The following GFRA1 variants were observed in gnomAD, a reference collection of about 807,000 sequenced individuals.
The protein encoded by GFRA1 is GDNF family receptor alpha-1.
A neutral mutation model predicts 51.6 loss-of-function variants in GFRA1; 16 were observed. The ratio of observed to expected loss-of-function variants is 0.31; its 90% CI spans 0.21 to 0.47. GFRA1 has a LOEUF of 0.47. Ranked by LOEUF, GFRA1 falls within the 20% of genes least tolerant of loss-of-function variation. The pLI, the probability that GFRA1 is intolerant of heterozygous loss-of-function variation, is 1.00. For missense variants in GFRA1, 530 were observed against 594.3 expected (o/e 0.89, Z 1.13); for synonymous variants, 270 against 241.3 (o/e 1.12, Z -1.10).
intron 6 of GFRA1, among the ~76,000 whole-genome samples, chr10:116,106,107 G>C (rs1268408828): frequency 6.6e-6 from 1 of 152,138 alleles, no homozygotes; most frequent in Admixed American, 6.5e-5. Context: ...ATGGAGGAAG[G>C]GGCCATGAGC....
At chr10:116,243,102 T>A (rs1342677133) in intron 4 of GFRA1, among the ~76,000 whole-genome samples, 2 of 152,208 alleles carry the variant, frequency 1.3e-5, no homozygotes, top group African/African-American at 4.8e-5. Context: ...CTTACTACAT[T>A]TATGCGTCTC....
At chr10:116,066,277 G>T (rs953549188) in intron 9 of GFRA1, among the ~76,000 whole-genome samples, 1 of 152,186 alleles carries the variant, frequency 6.6e-6, no homozygotes, top group Non-Finnish European at 1.5e-5. Context: ...CCACTCACTA[G>T]TCACTGTTTA....
At chr10:116,168,726 T>C (rs1224556662) in intron 5 of GFRA1, among the ~76,000 whole-genome samples, 1 of 152,202 alleles carries the variant, frequency 6.6e-6, no homozygotes, top group Non-Finnish European at 1.5e-5. Context: ...GCAGAGGCCA[T>C]GGGCTCTGCT....
chr10:116,271,000 G>C lies in GFRA1; in HGVS notation c.156C>G (p.Cys52Trp), dbSNP rs1178635330. 1 of 1,614,220 alleles carries C rather than the reference G, an allele frequency of 6.2e-7. No individual in the cohort carries two copies. Among genetic ancestry groups the C allele is most frequent in the East Asian group, 2.2e-5 (1 of 44,864 alleles). The change falls in exon 3 of 11, where the codon TGC (cysteine) becomes TGG (tryptophan). Residue 52 changes from cysteine (C) to tryptophan (W), a missense_variant. By Grantham distance (215) the Cys-to-Trp change is radical. Coordinates refer to ENST00000355422, the MANE Select transcript of GFRA1 (RefSeq NM_005264.8). ...CSTKYRTLRQ[C>W]VAGKETNFSL... ...TGAAGTTGGTCTCCTTGCCCGCCAC[G>C]CACTGCCTTAGCGTGCGGTACTTGG...
chr10:116,173,739 A>G (rs867777811), intron 5 of GFRA1, among the ~76,000 whole-genome samples: 1 of 152,210 alleles, frequency 6.6e-6, no homozygotes, highest in Non-Finnish European at 1.5e-5. Context: ...TTTCTGATAT[A>G]TATCTGTTTA....
At chr10:116,262,526 T>C (rs1565688256) in intron 4 of GFRA1, among the ~76,000 whole-genome samples, 1 of 152,196 alleles carries the variant, frequency 6.6e-6, no homozygotes, top group Non-Finnish European at 1.5e-5. Context: ...TATACATGTA[T>C]GTACATACAC....
intron 5 of GFRA1, among the ~76,000 whole-genome samples, chr10:116,179,707 G>T (rs1962019193): frequency 6.6e-6 from 1 of 152,288 alleles, no homozygotes; most frequent in East Asian, 1.9e-4. Flanking sequence ...TAGGAAGAGA[G>T]GGCTTGGAAA....
At chr10:116,145,239 T>C (rs1232097567) in intron 5 of GFRA1, among the ~76,000 whole-genome samples, 1 of 141,518 alleles carries the variant, frequency 7.1e-6, no homozygotes, top group Non-Finnish European at 1.5e-5. Context: ...AGCCACAGAC[T>C]AGGAAAAGAT....
chr10:116,106,062 T>C (rs1956994940), intron 6 of GFRA1, among the ~76,000 whole-genome samples: 1 of 152,094 alleles, frequency 6.6e-6, no homozygotes, highest in Non-Finnish European at 1.5e-5. Flanking sequence ...CGTGATGTCA[T>C]GTGAGACTCC....
intron 5 of GFRA1, among the ~76,000 whole-genome samples, chr10:116,175,630 C>A (rs554201935): frequency 6.6e-6 from 1 of 152,186 alleles, no homozygotes; most frequent in South Asian, 2.1e-4. Flanking sequence ...CCTCTACCAT[C>A]GTCAGGGTCC....
chr10:116,203,386 A>G (rs957159381), intron 5 of GFRA1, among the ~76,000 whole-genome samples: 6 of 152,210 alleles, frequency 3.9e-5, no homozygotes, highest in African/African-American at 1.4e-4. Context: ...GAAGGGAACC[A>G]GGTGCATCAG....
Position 116,269,490 on chromosome 10 carries a change from TA to T in GFRA1, c.418+12del. The T allele has an allele frequency of 1.3e-6, 2 of 1,489,682 alleles. No homozygotes were observed. The highest frequency in any genetic ancestry group is 1.9e-6 in the Non-Finnish European group (2 of 1,066,574). The allele number at this position is 1,489,682 out of a possible 1,614,324, so 92.3% of individuals were successfully genotyped here. ...ACACAAAGGCATCAGCATGGAAGTA[TA>T]AATCTGCTTACCTGATATGAATGGG... is the stretch of plus-strand genomic sequence containing the variant. On this transcript the variant is annotated intron_variant, in intron 4 of 10. Transcript: ENST00000355422.
chr10:116,064,609 C>T, intron 10 of GFRA1, 65 bp from the exon 11 acceptor site: 2 of 1,441,810 alleles, frequency 1.4e-6, no homozygotes, highest in South Asian at 1.1e-5. Flanking sequence ...GTATACTTTA[C>T]ACTCTCTCTC....
chr10:116,266,642 C>T (rs1043359225), intron 4 of GFRA1, among the ~76,000 whole-genome samples: 1 of 152,174 alleles, frequency 6.6e-6, no homozygotes, highest in Admixed American at 6.5e-5. Context: ...GGGTTCTAGA[C>T]AGGACAGGGC....
chr10:116,164,856 C>T (rs976681784), intron 5 of GFRA1, among the ~76,000 whole-genome samples: 8 of 152,112 alleles, frequency 5.3e-5, no homozygotes, highest in Non-Finnish European at 8.8e-5. Context: ...TTTCCAGTTG[C>T]GGAGGTCACT....
At chr10:116,185,651 G>A (rs935682014) in intron 5 of GFRA1, among the ~76,000 whole-genome samples, 1 of 152,156 alleles carries the variant, frequency 6.6e-6, no homozygotes, top group Admixed American at 6.5e-5. Context: ...CCCCTCCTGG[G>A]ATCAGACAGG....
chr10:116,111,535 C>T (rs551310329), intron 6 of GFRA1, among the ~76,000 whole-genome samples: 11 of 152,298 alleles, frequency 7.2e-5, no homozygotes, highest in African/African-American at 1.4e-4. Context: ...GCCCCATATC[C>T]GACCTGGGCT....
At chr10:116,094,496 T>G (rs1956492543) in intron 7 of GFRA1, among the ~76,000 whole-genome samples, 1 of 152,170 alleles carries the variant, frequency 6.6e-6, no homozygotes, top group Non-Finnish European at 1.5e-5. Context: ...TGCCTACATC[T>G]TGTCGTGATA....
At chr10:116,250,013 G>T (rs991580663) in intron 4 of GFRA1, among the ~76,000 whole-genome samples, 4 of 152,182 alleles carry the variant, frequency 2.6e-5, no homozygotes, top group Non-Finnish European at 4.4e-5. Flanking sequence ...AGAGGAGCCA[G>T]CTAAGTTAAG....
Sources: gnomAD v4.1 joint callset for allele counts (sites outside exome capture counted in the v4.1 genomes callset) on GRCh38, gnomAD v4.1.1 for gene constraint, MANE v1.5 for transcripts, NCBI Gene and HGNC (gene_info 2026-07-23, HGNC 2026-07-21) for gene names.